Variants in DNAH5 observed in about 807,000 individuals in gnomAD.
DNAH5 encodes axonemal beta dynein heavy chain 5.
DNAH5 carries 372 observed loss-of-function variants against 518.2 expected under a neutral mutation model. That is an observed-to-expected ratio of 0.72 (90% CI 0.66 to 0.78). The LOEUF (loss-of-function observed/expected upper bound fraction) is 0.78, where lower values mean the gene tolerates loss of function less well. Ranked by LOEUF, DNAH5 falls within the 30% of genes least tolerant of loss-of-function variation. The pLI, the probability that DNAH5 is intolerant of heterozygous loss-of-function variation, is 0.00. For synonymous variants in DNAH5, 2,039 were observed against 2,025.9 expected (o/e 1.01, Z -0.17); for missense variants, 5,523 against 5,687.0 (o/e 0.97, Z 0.93).
At chr5:13,841,237 T>C in intron 33 of DNAH5, 107 bp from the exon 34 acceptor site, 3 of 885,016 alleles carry the variant, frequency 3.4e-6, no homozygotes, top group Non-Finnish European at 5.4e-6. Context: ...TGTAAAGCCA[T>C]GATTACATCA....
intron 5 of DNAH5, among the ~76,000 whole-genome samples, chr5:13,921,704 C>T (rs377265620): frequency 6.7e-6 from 1 of 150,166 alleles, no homozygotes; most frequent in Non-Finnish European, 1.5e-5. Context: ...TTTCCTTCTT[C>T]TGCTTCTTCA....
At chr5:13,846,589 G>A (rs1320466808) in intron 31 of DNAH5, among the ~76,000 whole-genome samples, 2 of 152,064 alleles carry the variant, frequency 1.3e-5, no homozygotes, top group Non-Finnish European at 2.9e-5. Context: ...GACAAAGGAG[G>A]GCACTCATTG....
intron 1 of DNAH5, among the ~76,000 whole-genome samples, chr5:13,962,140 C>G (rs1486098252): frequency 6.6e-6 from 1 of 152,112 alleles, no homozygotes; most frequent in Non-Finnish European, 1.5e-5. Context: ...TATCCCTCAC[C>G]TTCAAAAGCT....
Position 13,735,167 on chromosome 5 carries a change from G to A in DNAH5, c.11725C>T (p.Arg3909Ter), listed in dbSNP as rs1060501464. The part of the protein sequence containing the change: ...LTLKIDIQRN[R>*]VKHEEFLTLI... ...GTGAGAAACTCTTCATGCTTGACTC[G>A]GTTCCTCTGGATGTCAATCTTTAGG... The change falls in exon 68 of 79, where the codon CGA (arginine) becomes TGA (stop). Residue 3909 changes from arginine (R) to a stop codon, truncating the protein, a stop_gained. Transcript: ENST00000265104. LOFTEE classifies it high-confidence loss of function. 6 of 1,613,928 alleles carry A rather than the reference G, an allele frequency of 3.7e-6. No homozygotes were observed. The highest frequency in any genetic ancestry group is 1.3e-5 in the African/African-American group (1 of 74,970).
At chr5:13,833,017 G>A (rs531984026) in intron 35 of DNAH5, among the ~76,000 whole-genome samples, 1 of 152,106 alleles carries the variant, frequency 6.6e-6, no homozygotes, top group Non-Finnish European at 1.5e-5. Context: ...ACAATGGTAC[G>A]TGCATCAGCA....
intron 1 of DNAH5, among the ~76,000 whole-genome samples, chr5:13,994,099 T>C (rs1783757471): frequency 6.6e-6 from 1 of 152,152 alleles, no homozygotes; most frequent in African/African-American, 2.4e-5. Context: ...CCCGCACGCA[T>C]CCCAGCCTCC....
chr5:13,752,092 T>C (rs770110238), intron 64 of DNAH5, 42 bp downstream of exon 64: 19 of 1,605,712 alleles, frequency 1.2e-5, no homozygotes, highest in Admixed American at 1.0e-4. Context: ...CCTGGCCTCA[T>C]GGTAATTGTT....
At position 13,780,680 on chromosome 5, in the gene DNAH5, G is replaced by T. The variant is rs1754967431; in HGVS notation, c.8951+149C>A. On this transcript the variant is annotated intron_variant, in intron 53 of 78. Transcript: ENST00000265104. ...GAAATGTTTATGATCTATGACAAAG[G>T]TTGACAGGGGAAGATGATAAGTCAA... 3.3e-6 allele frequency: 3 copies of T among 908,748 alleles called. No homozygotes were observed. In the Admixed American group the frequency reaches 6.2e-5, roughly 19 times the overall value. The allele number at this position is 908,748 out of a possible 1,614,324, so 56.3% of individuals were successfully genotyped here. A position where few individuals can be genotyped will look rare whatever the true frequency, so the allele number is the denominator to read the frequency against.
At chr5:13,743,871 A>G (rs1203053382) in intron 65 of DNAH5, among the ~76,000 whole-genome samples, 7 of 152,142 alleles carry the variant, frequency 4.6e-5, no homozygotes, top group Admixed American at 3.9e-4. Context: ...AATGTAAACT[A>G]GAACAACCAC....
chr5:13,793,775 C>T (rs1162243809), intron 48 of DNAH5, 47 bp from the exon 49 acceptor site: 1 of 1,594,246 alleles, frequency 6.3e-7, no homozygotes, highest in Admixed American at 1.7e-5. Context: ...CTTTCTATCC[C>T]CGGAGCCTAA....
chr5:13,985,334 G>A lies in DNAH5; in HGVS notation c.12+26314C>T, dbSNP rs189720478. Among the ~76,000 whole-genome samples, 775 of 150,780 alleles carry A rather than the reference G, an allele frequency of 5.1e-3. 6 individuals are homozygous for A. The highest frequency in any genetic ancestry group is 0.018 in the African/African-American group (757 of 40,982). ...AGGAGATATACCTAATGTAAATGACGAGTTAATGGGTGCAGCACACCAACA... is the reference window on the plus strand; with the variant it reads ...AGGAGATATACCTAATGTAAATGACAAGTTAATGGGTGCAGCACACCAACA... On this transcript the variant is annotated intron_variant, in intron 1 of 78. Coordinates refer to the DNAH5 transcript ENST00000681290.
intron 34 of DNAH5, 56 bp from the exon 35 acceptor site, chr5:13,839,584 C>T (rs994831613): frequency 7.0e-7 from 1 of 1,436,856 alleles, no homozygotes; most frequent in East Asian, 2.3e-5. Flanking sequence ...ATTAAATATA[C>T]ACGTTATTAG....
intron 13 of DNAH5, 125 bp from the exon 14 acceptor site, chr5:13,901,698 G>C: frequency 1.6e-6 from 1 of 640,160 alleles, no homozygotes; most frequent in South Asian, 2.8e-5. Flanking sequence ...AAAAGAATGA[G>C]ATATTTACAT....
chr5:13,901,435 G>A lies in DNAH5; in HGVS notation c.1869C>T (p.Ile623=), dbSNP rs752792992. The change falls in exon 14 of 79, where the codon ATC becomes ATT. Residue 623 remains isoleucine (I), a synonymous_variant. Transcript: ENST00000265104. The part of the protein sequence containing the change: ...DPPLARNQPP[I]AGKILWARQL... ...GGCGGGCCCACAAAATCTTTCCAGC[G>A]ATGGGAGGCTGGTTTCGAGCCAGAG... 6.2e-6 allele frequency: 10 copies of A among 1,613,938 alleles called. No individual in the cohort carries two copies. The highest frequency in any genetic ancestry group is 2.7e-5 in the African/African-American group (2 of 74,924).
chr5:13,823,293 G>A lies in DNAH5; in HGVS notation c.6657C>T (p.Tyr2219=), dbSNP rs1270916321. The A allele has an allele frequency of 6.2e-7, 1 of 1,613,606 alleles. No individual in the cohort carries two copies. The highest frequency in any genetic ancestry group is 1.1e-5 in the South Asian group (1 of 91,064). The change falls in exon 40 of 79, where the codon TAC becomes TAT. Residue 2219 remains tyrosine, a synonymous_variant. Transcript: ENST00000265104. ...TACTAATTGCTGCTTCCAGTTCAGG[G>A]TAACCTGCCTTGTCCAGAAGAATAT... ...FPNILLDKAG[Y]PELEAAISRQ...
chr5:13,928,880 T>TGAGCA (rs1188035412), intron 2 of DNAH5, among the ~76,000 whole-genome samples: 1 of 152,144 alleles, frequency 6.6e-6, no homozygotes, highest in Admixed American at 6.5e-5. Flanking sequence ...CTGGAACCCT[T>TGAGCA]GAGCACTACT....
intron 1 of DNAH5, among the ~76,000 whole-genome samples, chr5:13,994,019 C>T (rs1473706496): frequency 2.0e-5 from 3 of 152,212 alleles, no homozygotes; most frequent in African/African-American, 4.8e-5. Flanking sequence ...CCAGGTGAGC[C>T]TCAGGCATGC....
intron 47 of DNAH5, among the ~76,000 whole-genome samples, chr5:13,802,425 C>T (rs1379616804): frequency 6.6e-6 from 1 of 152,086 alleles, no homozygotes; most frequent in Non-Finnish European, 1.5e-5. Context: ...TTTATAATTC[C>T]TAGAAATTAA....
chr5:13,849,400 T>A (rs1766502303), intron 31 of DNAH5, among the ~76,000 whole-genome samples: 1 of 152,244 alleles, frequency 6.6e-6, no homozygotes, highest in African/African-American at 2.4e-5. Context: ...GTTTGACTCA[T>A]GCTGTGATAA....
Sources: allele counts gnomAD v4.1 joint callset (sites outside exome capture counted in the v4.1 genomes callset), GRCh38; gene constraint gnomAD v4.1.1; transcripts MANE v1.5; gene names NCBI Gene and HGNC (gene_info 2026-07-23, HGNC 2026-07-21).